Variants in PHKA1 observed in about 807,000 individuals in gnomAD.
The protein encoded by PHKA1 is phosphorylase b kinase regulatory subunit alpha, skeletal muscle isoform.
In PHKA1, 60 loss-of-function variants were observed where a neutral mutation model predicts 110.2. The ratio of observed to expected loss-of-function variants is 0.54; its 90% CI spans 0.44 to 0.68. PHKA1 has a LOEUF of 0.68. Among genes scored for constraint, PHKA1 ranks in the 30% least tolerant of loss-of-function variants. The pLI, the probability that PHKA1 is intolerant of heterozygous loss-of-function variation, is 0.00. For synonymous variants in PHKA1, 316 were observed against 333.6 expected, an observed-to-expected ratio of 0.95 and a Z score of 0.58; for missense variants, 801 against 942.5, an observed-to-expected ratio of 0.85 and a Z score of 1.97.
intron 13 of PHKA1, among the ~76,000 whole-genome samples, chrX:72,647,248 A>G (rs1276034589): frequency 8.9e-6 from 1 of 112,132 alleles, no homozygotes; most frequent in Non-Finnish European, 1.9e-5. Context: ...TAGGAAATAA[A>G]GCAGCCAGAA....
chrX:72,651,023 T>G (rs782293047), intron 12 of PHKA1, among the ~76,000 whole-genome samples: 1 of 112,386 alleles, frequency 8.9e-6, no homozygotes, highest in African/African-American at 3.2e-5. Context: ...TGGGTATAAA[T>G]TATAAATAAA....
intron 29 of PHKA1, among the ~76,000 whole-genome samples, chrX:72,589,981 T>C (rs1472985098): frequency 9.0e-6 from 1 of 111,266 alleles, no homozygotes; most frequent in Non-Finnish European, 1.9e-5. Flanking sequence ...ACCAATATCA[T>C]GAAAATGGCC....
intron 8 of PHKA1, among the ~76,000 whole-genome samples, chrX:72,658,458 CA>C (rs34964050): frequency 0.12 from 4,863 of 40,403 alleles, 533 homozygotes; most frequent in East Asian, 0.67. Context: ...GACTTTGTTT[CA>C]AAAAAAAAAA....
In PHKA1 at chrX:72,619,315, T is replaced by C; in HGVS notation, c.2138-10A>G. 1 of 1,040,667 alleles carries C rather than the reference T, an allele frequency of 9.6e-7. No individual in the cohort carries two copies. The highest frequency in any genetic ancestry group is 1.3e-6 in the Non-Finnish European group (1 of 742,037). The allele number at this position is 1,040,667 out of a possible 1,213,427, so 85.8% of individuals were successfully genotyped here. ...AGATACATGTGAACATCTGCAAAAA[T>C]ATGACATTTATGGGAAATATTAGGT... On this transcript the variant is annotated splice_polypyrimidine_tract_variant and intron_variant, in intron 19 of 31. Coordinates refer to ENST00000373542, the MANE Select transcript of PHKA1 (RefSeq NM_002637.4).
intron 29 of PHKA1, among the ~76,000 whole-genome samples, chrX:72,589,248 C>T (rs180703345): frequency 8.9e-6 from 1 of 111,846 alleles, no homozygotes; most frequent in East Asian, 2.8e-4. Context: ...TCGGCTTCAT[C>T]CCTGGGATGC....
chrX:72,653,351 A>T, intron 11 of PHKA1, 84 bp downstream of exon 11: 1 of 597,401 alleles, frequency 1.7e-6, no homozygotes, highest in South Asian at 2.5e-5. Context: ...AAGATTAAAA[A>T]TTATTTGACT....
chrX:72,675,166 C>G (rs919056098), intron 6 of PHKA1, among the ~76,000 whole-genome samples: 15 of 108,080 alleles, frequency 1.4e-4, no homozygotes, highest in African/African-American at 5.1e-4. Context: ...CCAGCCTGGG[C>G]AGCAGGGTGA....
chrX:72,589,456 C>T (rs1556220770), intron 29 of PHKA1, among the ~76,000 whole-genome samples: 1 of 111,715 alleles, frequency 9.0e-6, no homozygotes, highest in African/African-American at 3.3e-5. Flanking sequence ...TTAAGACAAA[C>T]CCACAGCCAA....
At chrX:72,661,743 C>CAAAAA (rs782779792) in intron 8 of PHKA1, among the ~76,000 whole-genome samples, 1 of 33,099 alleles carries the variant, frequency 3.0e-5, no homozygotes, top group African/African-American at 9.4e-5. Flanking sequence ...AATGTACTGA[C>CAAAAA]AAAAAAAAAA....
At chrX:72,683,659 C>T (rs1368018663) in intron 5 of PHKA1, among the ~76,000 whole-genome samples, 2 of 112,201 alleles carry the variant, frequency 1.8e-5, no homozygotes, top group Non-Finnish European at 3.8e-5. Context: ...TCTCCTGAGG[C>T]AATCATGGAT....
In PHKA1 at chrX:72,620,899, G is replaced by A. The variant is rs782674403; in HGVS notation, c.1963C>T (p.Arg655Cys). Reference sequence around the variant, plus strand: ...TAACGAGCAACTTCATCACCACAGCGAGCTGCAAGGTTAGTGGGGGGAGGG... The same window carrying A: ...TAACGAGCAACTTCATCACCACAGCAAGCTGCAAGGTTAGTGGGGGGAGGG... ...MNDYDSTSHA[R>C]CGDEVARYLD... The change falls in exon 19 of 32, where the codon CGC becomes TGC. Residue 655 changes from arginine (R) to cysteine (C), a missense_variant and splice_region_variant. Physicochemically the swap from Arg to Cys is radical, Grantham distance 180 (BLOSUM62 -3). This residue lies in a region of PHKA1 where 502 missense variants were observed against 519.2 expected (regional missense o/e 0.97). Transcript: ENST00000373542. The A allele has an allele frequency of 1.7e-6, 2 of 1,210,247 alleles. No individual in the cohort carries two copies. The highest frequency in any genetic ancestry group is 1.8e-5 in the South Asian group (1 of 56,834).
chrX:72,594,949 G>C (rs1242339530), intron 28 of PHKA1, among the ~76,000 whole-genome samples: 2 of 112,185 alleles, frequency 1.8e-5, no homozygotes, highest in African/African-American at 3.2e-5. Flanking sequence ...GTCATTCTAT[G>C]AGGCCAATAT....
rs2054428546 is a variant in PHKA1, at chrX:72,714,161, G to A, written c.-281C>T. On this transcript the variant is annotated 5_prime_UTR_variant, in exon 1 of 32. Transcript: ENST00000373542. ...CCCAGGCGCCGCTCCTGCCCCCTTA[G>A]TCCAGTCCGGCCTCCGCGTGTGACT... 5.6e-6 allele frequency: 2 copies of A among 355,856 alleles called. No homozygotes were observed. The highest frequency in any genetic ancestry group is 7.9e-5 in the South Asian group (2 of 25,259). 29.3% of individuals were successfully genotyped at this position (355,856 alleles called of 1,213,427 possible). A position where few individuals can be genotyped will look rare whatever the true frequency, so the allele number is the denominator to read the frequency against.
At chrX:72,635,979 T>C (rs969988349) in intron 15 of PHKA1, among the ~76,000 whole-genome samples, 4 of 112,042 alleles carry the variant, frequency 3.6e-5, no homozygotes, top group Non-Finnish European at 5.6e-5. Context: ...AAAGGACACA[T>C]ACAGTTTTAT....
intron 19 of PHKA1, 65 bp from the exon 20 acceptor site, chrX:72,619,370 G>T: frequency 1.5e-6 from 1 of 656,354 alleles, no homozygotes; most frequent in South Asian, 2.3e-5. Flanking sequence ...ATGCACAGTT[G>T]ACTTCAACAA....
rs782344697 is a variant in PHKA1 at position 72,657,688 on chromosome X, C to T, written c.865-47G>A. On this transcript the variant is annotated intron_variant, in intron 8 of 31. Transcript: ENST00000373542. ...GTCAGCAGCTTGTACACTGGTACGG[C>T]CATGTAATTAATCAGAAATACATCC... The T allele has an allele frequency of 2.7e-5, 27 of 1,005,234 alleles. No individual in the cohort carries two copies. In the South Asian group the frequency reaches 2.7e-4, roughly 10 times the overall value. 82.8% of individuals were successfully genotyped at this position (1,005,234 alleles called of 1,213,427 possible).
intron 13 of PHKA1, among the ~76,000 whole-genome samples, chrX:72,645,234 T>C (rs995765410): frequency 2.7e-5 from 3 of 112,249 alleles, no homozygotes; most frequent in Admixed American, 1.9e-4. Context: ...AGTAATCCAA[T>C]TGAGGCTTTA....
Position 72,582,521 on chromosome X carries a change from C to G in PHKA1, c.3375G>C (p.Gln1125His), listed in dbSNP as rs781879626. 1.7e-6 allele frequency: 2 copies of G among 1,201,656 alleles called. No homozygotes were observed. Among genetic ancestry groups the G allele is most frequent in the East Asian group, 3.0e-5 (1 of 33,827 alleles). ...GGACAAGGATGGCTTCAACCAGCAG[C>G]TGACGGTACTCTGGCTGAGGTACAC... is the stretch of plus-strand genomic sequence containing the variant. ...LNRVPQPEYR[Q>H]LLVEAILVLT... The change falls in exon 31 of 32, where the codon CAG becomes CAC. Residue 1125 changes from glutamine to histidine, a missense_variant. Gln to His is a conservative substitution (Grantham distance 24). Transcript: ENST00000373542.
intron 2 of PHKA1, among the ~76,000 whole-genome samples, chrX:72,707,631 G>A (rs1556333025): frequency 9.1e-5 from 4 of 44,072 alleles, no homozygotes; most frequent in South Asian, 1.6e-3. Flanking sequence ...TCAAAAAATC[G>A]TGTGTGTGTG....
Sources: gnomAD v4.1 joint callset for allele counts (sites outside exome capture counted in the v4.1 genomes callset) on GRCh38, gnomAD v4.1.1 for gene constraint, gnomAD v4.1.1 regional missense constraint, MANE v1.5 for transcripts, NCBI Gene and HGNC (gene_info 2026-07-23, HGNC 2026-07-21) for gene names.